GPR149: variants seen among roughly 807,000 people sequenced by gnomAD.
GPR149 encodes the protein probable G protein-coupled receptor 149.
GPR149 carries 50 observed loss-of-function variants against 50.2 expected under a neutral mutation model. The observed-to-expected ratio is 1.00, with a 90% CI of 0.79 to 1.26. The LOEUF is 1.26. Among genes scored for constraint, GPR149 ranks in the 50% most tolerant of loss-of-function variants. The pLI is 0.00. For missense variants in GPR149, 983 were observed against 895.4 expected, an observed-to-expected ratio of 1.10 and a Z score of -1.25; for synonymous variants, 405 against 358.2, an observed-to-expected ratio of 1.13 and a Z score of -1.48.
At chr3:154,404,984 A>G (rs1465010833) in intron 3 of GPR149, among the ~76,000 whole-genome samples, 1 of 152,192 alleles carries the variant, frequency 6.6e-6, no homozygotes, top group African/African-American at 2.4e-5. Flanking sequence ...GGAAGAAGGC[A>G]AGAATGCTTA....
intron 3 of GPR149, among the ~76,000 whole-genome samples, chr3:154,391,566 T>C (rs1175539917): frequency 6.7e-6 from 1 of 150,332 alleles, no homozygotes; most frequent in Non-Finnish European, 1.5e-5. Context: ...TAAAAAAACA[T>C]GGCTATAGTA....
intron 3 of GPR149, among the ~76,000 whole-genome samples, chr3:154,351,085 T>A (rs927416854): frequency 6.6e-6 from 1 of 151,944 alleles, no homozygotes; most frequent in Admixed American, 6.6e-5. Flanking sequence ...GAGAGTTGAC[T>A]GTATAATGGG....
intron 3 of GPR149, among the ~76,000 whole-genome samples, chr3:154,395,994 C>T (rs1559984213): frequency 6.6e-6 from 1 of 152,110 alleles, no homozygotes; most frequent in Non-Finnish European, 1.5e-5. Flanking sequence ...TAGTTTTGAA[C>T]CTAAGTCTAA....
intron 3 of GPR149, among the ~76,000 whole-genome samples, chr3:154,374,811 CT>C (rs1443271436): frequency 1.3e-5 from 2 of 152,082 alleles, no homozygotes; most frequent in Non-Finnish European, 2.9e-5. Context: ...GCCTTTGGTC[CT>C]CAGAGAAACA....
intron 3 of GPR149, among the ~76,000 whole-genome samples, chr3:154,371,973 C>G (rs1475694604): frequency 6.6e-6 from 1 of 152,130 alleles, no homozygotes; most frequent in Non-Finnish European, 1.5e-5. Flanking sequence ...ACGGCATCTA[C>G]CAAGGACCCC....
intron 3 of GPR149, among the ~76,000 whole-genome samples, chr3:154,356,733 T>C (rs1067574): frequency 0.014 from 2,115 of 152,132 alleles, 25 homozygotes; most frequent in Non-Finnish European, 0.021. Context: ...GAAGAATCAA[T>C]ATTGTGAAAA....
chr3:154,384,845 G>GT (rs575748928), intron 3 of GPR149, among the ~76,000 whole-genome samples: 48 of 152,190 alleles, frequency 3.2e-4, no homozygotes, highest in Non-Finnish European at 5.4e-4. Context: ...GATGACCACT[G>GT]TTTTTGGCTA....
chr3:154,408,654 C>A (rs1035675645), intron 3 of GPR149, among the ~76,000 whole-genome samples: 1 of 152,192 alleles, frequency 6.6e-6, no homozygotes, highest in Admixed American at 6.5e-5. Context: ...ACCACACCCC[C>A]ATCCCCCACA....
chr3:154,381,195 G>A (rs1339143814), intron 3 of GPR149, among the ~76,000 whole-genome samples: 2 of 152,154 alleles, frequency 1.3e-5, no homozygotes, highest in African/African-American at 4.8e-5. Context: ...TACTTATACT[G>A]AATAAAACAT....
chr3:154,378,014 T>C (rs1576913517), intron 3 of GPR149, among the ~76,000 whole-genome samples: 1 of 152,022 alleles, frequency 6.6e-6, no homozygotes, highest in African/African-American at 2.4e-5. Context: ...GTTTTTCATG[T>C]GGTAGGATGT....
Position 154,429,677 on chromosome 3 carries a change from A to G in GPR149, c.-62T>C, listed in dbSNP as rs1286030571. ...GTCTGATAATTTTCTCAAAAGAAAG[A>G]CCGGCTGCTGCAAATCAGATTTCAT... is the stretch of plus-strand genomic sequence containing the variant. On this transcript the variant is annotated 5_prime_UTR_variant, in exon 1 of 4. Coordinates refer to ENST00000389740, the MANE Select transcript of GPR149 (RefSeq NM_001038705.3). 32 of 1,419,988 alleles carry G rather than the reference A, an allele frequency of 2.3e-5. No individual in the cohort carries two copies. The highest frequency in any genetic ancestry group is 2.7e-5 in the Non-Finnish European group (28 of 1,032,084). 88.0% of individuals were successfully genotyped at this position (1,419,988 alleles called of 1,614,324 possible). A position where few individuals can be genotyped will look rare whatever the true frequency, so the allele number is the denominator to read the frequency against.
chr3:154,417,128 A>C (rs1380438332), intron 3 of GPR149, among the ~76,000 whole-genome samples: 2 of 152,008 alleles, frequency 1.3e-5, no homozygotes, highest in Non-Finnish European at 2.9e-5. Flanking sequence ...TTATCATTTC[A>C]TTTCAGAAAG....
chr3:154,428,952 G>T lies in GPR149; in HGVS notation c.664C>A (p.Pro222Thr), dbSNP rs750467435. ...TGGTAGTTGGAGTGGAGTCTCGGCG[G>T]CTCCTCCGAACACAGCAATCGGTGA... ...LTHRLLCSEE[P>T]PRLHSNYQEI... Residue 222 changes from proline (P) to threonine (T), a missense_variant, in exon 1 of 4, where the codon CCG becomes ACG. Physicochemically the swap from Pro to Thr is conservative, Grantham distance 38. Transcript: ENST00000389740. 6.2e-7 allele frequency: 1 copy of T among 1,614,068 alleles called. No homozygotes were observed. The highest frequency in any genetic ancestry group is 1.3e-5 in the African/African-American group (1 of 75,048).
intron 3 of GPR149, among the ~76,000 whole-genome samples, chr3:154,396,511 T>C (rs1329690364): frequency 6.6e-6 from 1 of 152,148 alleles, no homozygotes; most frequent in Non-Finnish European, 1.5e-5. Flanking sequence ...TATGAGGGCA[T>C]TGGTAGGGTG....
intron 3 of GPR149, among the ~76,000 whole-genome samples, chr3:154,420,038 T>C (rs891994257): frequency 1.2e-4 from 19 of 152,204 alleles, no homozygotes; most frequent in African/African-American, 4.6e-4. Flanking sequence ...AGGAGACTAG[T>C]AGTTTTATTT....
Position 154,428,831 on chromosome 3 carries a change from C to A in GPR149, c.785G>T (p.Arg262Leu). 6.2e-7 allele frequency: 1 copy of A among 1,613,762 alleles called. No homozygotes were observed. The highest frequency in any genetic ancestry group is 8.5e-7 in the Non-Finnish European group (1 of 1,179,936). The change falls in exon 1 of 4, where the codon CGG becomes CTG. Residue 262 changes from arginine (R) to leucine (L), a missense_variant. Physicochemically the swap from Arg to Leu is moderately radical, Grantham distance 102. Transcript: ENST00000389740. ...SPEDAPGPSL[R>L]RSGGCSPSSD... Reference sequence around the variant, plus strand: ...GCTCGGAGAGCATCCCCCAGAGCGCCGCAGACTCGGGCCTGGAGCATCCTC... The same window carrying A: ...GCTCGGAGAGCATCCCCCAGAGCGCAGCAGACTCGGGCCTGGAGCATCCTC...
intron 3 of GPR149, among the ~76,000 whole-genome samples, chr3:154,416,530 C>A (rs913510035): frequency 6.6e-6 from 1 of 151,712 alleles, no homozygotes; most frequent in Non-Finnish European, 1.5e-5. Flanking sequence ...TCTGTAGTTT[C>A]CTATGAAAAT....
intron 3 of GPR149, among the ~76,000 whole-genome samples, chr3:154,416,506 G>T (rs988795365): frequency 1.3e-5 from 2 of 151,750 alleles, no homozygotes; most frequent in Non-Finnish European, 2.9e-5. Context: ...AAATAGTCTA[G>T]CTGGCTTTTG....
chr3:154,350,107 G>A (rs1005931460), intron 3 of GPR149, among the ~76,000 whole-genome samples: 6 of 152,106 alleles, frequency 3.9e-5, no homozygotes, highest in Non-Finnish European at 5.9e-5. Flanking sequence ...TGAGGTGAGA[G>A]GATCACTTGA....
Sources: allele counts gnomAD v4.1 joint callset (sites outside exome capture counted in the v4.1 genomes callset), GRCh38; gene constraint gnomAD v4.1.1; transcripts MANE v1.5; gene names NCBI Gene and HGNC (gene_info 2026-07-23, HGNC 2026-07-21).